The following HCFC2 variants were observed in gnomAD, a reference collection of about 807,000 sequenced individuals.
HCFC2 encodes the protein host cell factor 2.
A neutral mutation model predicts 89.2 loss-of-function variants in HCFC2; 18 were observed. The ratio of observed to expected loss-of-function variants is 0.20; its 90% CI spans 0.14 to 0.30. The LOEUF is 0.30. Among genes scored for constraint, HCFC2 ranks in the 10% least tolerant of loss-of-function variants. HCFC2 has a pLI of 1.00. For missense variants in HCFC2, 578 were observed against 956.1 expected (o/e 0.60, Z 5.21); for synonymous variants, 308 against 335.7 (o/e 0.92, Z 0.90).
intron 9 of HCFC2, among the ~76,000 whole-genome samples, chr12:104,088,429 A>G (rs893647389): frequency 6.6e-6 from 1 of 152,252 alleles, no homozygotes; most frequent in Non-Finnish European, 1.5e-5. Context: ...CTAAAGATGT[A>G]CTTTAAAAAT....
rs531830282 is a variant in HCFC2 at position 104,080,886 on chromosome 12, G to T, written c.767+56G>T. On this transcript the variant is annotated intron_variant, in intron 5 of 14. Transcript: ENST00000229330. ...TTTTTTTAAAAAAACAACTTAAGAA[G>T]CACACAAAGAAAGTAATGCTAGTAG... 3.4e-5 allele frequency: 38 copies of T among 1,128,602 alleles called. No homozygotes were observed. The African/African-American group carries it at 5.7e-4, about 17-fold the overall frequency. 69.9% of individuals were successfully genotyped at this position (1,128,602 alleles called of 1,614,324 possible).
At chr12:104,086,818 A>C in intron 7 of HCFC2, 29 bp from the exon 8 acceptor site, 1 of 1,598,268 alleles carries the variant, frequency 6.3e-7, no homozygotes, top group Non-Finnish European at 8.6e-7. Flanking sequence ...CTGGAAACTT[A>C]AATGTATAAT....
intron 8 of HCFC2, among the ~76,000 whole-genome samples, chr12:104,087,306 A>G (rs1883881496): frequency 1.3e-5 from 2 of 150,506 alleles, no homozygotes; most frequent in Non-Finnish European, 3.0e-5. Flanking sequence ...GTGAGCTGAG[A>G]TCATGCCACT....
intron 4 of HCFC2, among the ~76,000 whole-genome samples, chr12:104,080,099 A>G (rs987685311): frequency 6.6e-6 from 1 of 152,196 alleles, no homozygotes; most frequent in Non-Finnish European, 1.5e-5. Flanking sequence ...GGAATGAATG[A>G]TTGGAGGGTA....
chr12:104,087,947 T>C, intron 8 of HCFC2, 39 bp from the exon 9 acceptor site: 1 of 1,262,026 alleles, frequency 7.9e-7, no homozygotes, highest in Non-Finnish European at 1.1e-6. Flanking sequence ...TTGAAGCTAG[T>C]TAAGAGCATA....
chr12:104,072,654 T>A (rs1166455615), intron 3 of HCFC2, among the ~76,000 whole-genome samples: 1 of 152,088 alleles, frequency 6.6e-6, no homozygotes, highest in African/African-American at 2.4e-5. Context: ...GTTTCTTTTT[T>A]TTTTTTGAGA....
chr12:104,089,103 C>T lies in HCFC2; in HGVS notation c.1284+1065C>T, dbSNP rs139254337. 7.3e-3 allele frequency among the ~76,000 whole-genome samples: 1,105 copies of T among 152,238 alleles called. 21 individuals are homozygous for T. In the South Asian group the frequency reaches 0.073, roughly 10 times the overall value. The stretch of plus-strand genomic sequence containing the variant: ...GTTGGCCCTGTGGAACCTGCAAATG[C>T]GGAAACTCGACCCTCTGTATCCACA... On this transcript the variant is annotated intron_variant, in intron 9 of 14. Transcript: ENST00000229330.
rs1033977428 is a variant in HCFC2, at chr12:104,095,007, G to A, written c.1463-353G>A. On this transcript the variant is annotated intron_variant, in intron 10 of 14. Transcript: ENST00000229330. The surrounding 1 kb of genome is among the most constrained non-coding windows in gnomAD (Gnocchi z 4.2). Reference sequence around the variant, plus strand: ...ACAATTATTAGTACAATTCTAGTTTGCAGCCAGAGAAGGCAGAAAATTGAG... The same window carrying A: ...ACAATTATTAGTACAATTCTAGTTTACAGCCAGAGAAGGCAGAAAATTGAG... 6.6e-6 allele frequency among the ~76,000 whole-genome samples: 1 copy of A among 152,122 alleles called. No individual in the cohort carries two copies.
At chr12:104,094,501 C>T (rs1884118772) in intron 10 of HCFC2, among the ~76,000 whole-genome samples, 2 of 152,082 alleles carry the variant, frequency 1.3e-5, no homozygotes, top group Admixed American at 6.5e-5. Context: ...GTAGACTTCA[C>T]TGTTGTGGAA....
chr12:104,077,784 T>A (rs186333594), intron 3 of HCFC2, among the ~76,000 whole-genome samples: 7 of 152,170 alleles, frequency 4.6e-5, no homozygotes, highest in African/African-American at 1.2e-4. Context: ...TGTCTTTTTT[T>A]AAACATTCTT....
chr12:104,088,638 A>C (rs1453908409), intron 9 of HCFC2, among the ~76,000 whole-genome samples: 1 of 152,118 alleles, frequency 6.6e-6, no homozygotes, highest in Non-Finnish European at 1.5e-5. Flanking sequence ...TTTCAAGGAA[A>C]TTGATGTAGG....
At chr12:104,085,400 C>T (rs1306436534) in intron 7 of HCFC2, among the ~76,000 whole-genome samples, 3 of 152,022 alleles carry the variant, frequency 2.0e-5, no homozygotes, top group African/African-American at 7.2e-5. Context: ...AAATTATTAA[C>T]TAAAGTCTAA....
In HCFC2 at chr12:104,071,679, C is replaced by A. The variant is rs139307381; in HGVS notation, c.473+3572C>A. Among the ~76,000 whole-genome samples the A allele has an allele frequency of 9.8e-5, 15 of 152,300 alleles. 1 individual carries two copies. The East Asian group carries it at 2.9e-3, about 29-fold the overall frequency. On this transcript the variant is annotated intron_variant, in intron 3 of 14. Coordinates refer to ENST00000229330, the MANE Select transcript of HCFC2 (RefSeq NM_013320.3). ...GTCAGCTCACTGGAGCCTCCACCTC[C>A]CAGGCACAAGTGATCCTCCCACCTC...
intron 13 of HCFC2, 29 bp from the exon 14 acceptor site, chr12:104,101,939 C>T: frequency 6.9e-7 from 1 of 1,447,600 alleles, no homozygotes; most frequent in Non-Finnish European, 9.3e-7. Context: ...TGTACCTTTT[C>T]TTTGACTTTT....
Position 104,095,558 on chromosome 12 carries a change from C to A in HCFC2, c.1661C>A (p.Ser554Tyr). The change falls in exon 11 of 15, where the codon TCT (serine) becomes TAT (tyrosine). Residue 554 changes from serine to tyrosine, a missense_variant. Coordinates refer to ENST00000229330, the MANE Select transcript of HCFC2 (RefSeq NM_013320.3). The surrounding 1 kb of genome is among the most constrained non-coding windows in gnomAD (Gnocchi z 4.2). ...ETSLTTFSTK[S>Y]EVDETYALPA... ...TCACTAACAACATTCAGTACCAAAT[C>A]TGAAGGTTTGAAATGTGTTTCACAT... 2 of 1,611,566 alleles carry A rather than the reference C, an allele frequency of 1.2e-6. No individual in the cohort carries two copies. Among genetic ancestry groups the A allele is most frequent in the Non-Finnish European group, 1.7e-6 (2 of 1,177,864 alleles).
At position 104,064,940 on chromosome 12, in the gene HCFC2, C is replaced by T. The variant is rs1473924828; in HGVS notation, c.163+217C>T. The T allele has an allele frequency of 2.5e-6, 1 of 404,660 alleles. No homozygotes were observed. The highest frequency in any genetic ancestry group is 4.3e-6 in the Non-Finnish European group (1 of 232,302). 25.1% of individuals were successfully genotyped at this position (404,660 alleles called of 1,614,324 possible). A position where few individuals can be genotyped will look rare whatever the true frequency, so the allele number is the denominator to read the frequency against. On this transcript the variant is annotated intron_variant, in intron 1 of 14. Coordinates refer to ENST00000229330, the MANE Select transcript of HCFC2 (RefSeq NM_013320.3). The surrounding 1 kb of genome is among the most constrained non-coding windows in gnomAD (Gnocchi z 7.3). Reference sequence around the variant, plus strand: ...GGGGCCCTTGGGGCGCAACGGACCCCGAGCGGGGCGCACCGGCCTTCAGGC... The same window carrying T: ...GGGGCCCTTGGGGCGCAACGGACCCTGAGCGGGGCGCACCGGCCTTCAGGC...
chr12:104,065,748 A>C (rs930501092), intron 1 of HCFC2, among the ~76,000 whole-genome samples: 2 of 152,234 alleles, frequency 1.3e-5, no homozygotes, highest in Non-Finnish European at 2.9e-5. Context: ...GCCCAGGATC[A>C]GCGCTAAAGT....
At position 104,095,613 on chromosome 12, in the gene HCFC2, A is replaced by ATGG; in HGVS notation, c.1666+51_1666+52insGGT. The ATGG allele has an allele frequency of 2.1e-6, 3 of 1,440,276 alleles. No individual in the cohort carries two copies. The highest frequency in any genetic ancestry group is 2.9e-6 in the Non-Finnish European group (3 of 1,037,784). 89.2% of individuals were successfully genotyped at this position (1,440,276 alleles called of 1,614,324 possible). A position where few individuals can be genotyped will look rare whatever the true frequency, so the allele number is the denominator to read the frequency against. The stretch of plus-strand genomic sequence containing the variant: ...TATTTTGAACCATTTATGTATATAA[A>ATGG]TTCATCAAACTTACTTGTCTTAGAT... On this transcript the variant is annotated intron_variant, in intron 11 of 14. Coordinates refer to ENST00000229330, the MANE Select transcript of HCFC2 (RefSeq NM_013320.3). The surrounding 1 kb of genome is among the most constrained non-coding windows in gnomAD (Gnocchi z 4.2).
rs1232098726 is a variant in HCFC2 at position 104,064,830 on chromosome 12, T to A, written c.163+107T>A. ...ACAGCTGTCACCGCCCGGTCACTGC[T>A]TCCTTGGGCGGGCGGCGGGGAGCGC... On this transcript the variant is annotated intron_variant, in intron 1 of 14. Coordinates refer to ENST00000229330, the MANE Select transcript of HCFC2 (RefSeq NM_013320.3). This position sits in a 1 kb window ranked among gnomAD's most constrained non-coding sequence, Gnocchi z 7.3. The A allele has an allele frequency of 1.9e-6, 2 of 1,036,376 alleles. No individual in the cohort carries two copies. Among genetic ancestry groups the A allele is most frequent in the East Asian group, 6.5e-5 (2 of 30,736 alleles). The allele number at this position is 1,036,376 out of a possible 1,614,324, so 64.2% of individuals were successfully genotyped here. A position where few individuals can be genotyped will look rare whatever the true frequency, so the allele number is the denominator to read the frequency against.
Sources: gnomAD v4.1 joint callset for allele counts (sites outside exome capture counted in the v4.1 genomes callset) on GRCh38, gnomAD v4.1.1 for gene constraint, Gnocchi (gnomAD v3.1) non-coding constraint, MANE v1.5 for transcripts, NCBI Gene and HGNC (gene_info 2026-07-23, HGNC 2026-07-21) for gene names.